PROM1: variants seen among roughly 807,000 people sequenced by gnomAD.
PROM1 encodes the protein prominin-1.
Under a neutral mutation model 116.9 loss-of-function variants are expected in PROM1, and 105 were observed. The ratio of observed to expected loss-of-function variants is 0.90; its 90% confidence interval spans 0.77 to 1.06. The LOEUF is 1.06. Among genes scored for constraint, PROM1 ranks in the 50% least tolerant of loss-of-function variants. The pLI is 0.00. For synonymous variants in PROM1, 393 were observed against 387.0 expected, an observed-to-expected ratio of 1.02 and a Z score of -0.18; for missense variants, 1,122 against 1,045.2, an observed-to-expected ratio of 1.07 and a Z score of -1.01.
chr4:15,991,427 G>T (rs960702458), intron 17 of PROM1, 134 bp from the exon 18 acceptor site: 7 of 567,748 alleles, frequency 1.2e-5, no homozygotes, highest in Non-Finnish European at 2.1e-5. Context: ...CTCTTAAACA[G>T]GTGGCAACAT....
chr4:15,973,878 A>C (rs1715337793), intron 26 of PROM1, among the ~76,000 whole-genome samples: 1 of 152,138 alleles, frequency 6.6e-6, no homozygotes, highest in African/African-American at 2.4e-5. Context: ...AAAGACAGAC[A>C]ACAAGGCGGT....
At chr4:15,989,701 C>G in intron 19 of PROM1, 31 bp downstream of exon 19, 1 of 1,533,490 alleles carries the variant, frequency 6.5e-7, no homozygotes, top group Non-Finnish European at 8.9e-7. Flanking sequence ...GCTCAGGTCA[C>G]AGTGAAATAC....
rs541774656 is a variant in PROM1 at position 15,977,813 on chromosome 4, T to A, written c.2582+1582A>T. 4.6e-5 allele frequency among the ~76,000 whole-genome samples: 7 copies of A among 152,344 alleles called. No homozygotes were observed. The South Asian group carries it at 8.3e-4, about 18-fold the overall frequency. ...CAAGGTTTCACCGTGTTAGCCAGGA[T>A]GGTCTTGATCTCCTGACCTCGTGAT... On this transcript the variant is annotated intron_variant, in intron 26 of 27. Coordinates refer to ENST00000447510, the MANE Select transcript of PROM1 (RefSeq NM_006017.3).
At chr4:15,991,178 C>T in intron 18 of PROM1, 44 bp downstream of exon 18, 4 of 1,507,566 alleles carry the variant, frequency 2.7e-6, no homozygotes, top group South Asian at 2.4e-5. Flanking sequence ...TGACATTTGA[C>T]ATCTACAACT....
chr4:15,988,843 G>T (rs950014580), intron 19 of PROM1, among the ~76,000 whole-genome samples: 1 of 152,176 alleles, frequency 6.6e-6, no homozygotes, highest in African/African-American at 2.4e-5. Flanking sequence ...TAATAAATTA[G>T]GAAATCGAGA....
chr4:16,004,320 G>A (rs1214189351), intron 13 of PROM1, among the ~76,000 whole-genome samples: 2 of 152,064 alleles, frequency 1.3e-5, no homozygotes, highest in African/African-American at 4.8e-5. Flanking sequence ...CATGCCACAG[G>A]TCTCCATGTC....
chr4:16,060,909 A>T (rs748664691), intron 2 of PROM1, among the ~76,000 whole-genome samples: 3 of 152,174 alleles, frequency 2.0e-5, no homozygotes, highest in African/African-American at 7.2e-5. Flanking sequence ...TTAATTTAAC[A>T]CTATGTCTTC....
At chr4:16,067,301 C>T (rs1741760968) in intron 2 of PROM1, among the ~76,000 whole-genome samples, 1 of 152,208 alleles carries the variant, frequency 6.6e-6, no homozygotes, top group Non-Finnish European at 1.5e-5. Flanking sequence ...TCACTTTCCT[C>T]ATCAGCGAAA....
At chr4:16,074,781 C>G (rs553116847) in intron 2 of PROM1, among the ~76,000 whole-genome samples, 10 of 152,322 alleles carry the variant, frequency 6.6e-5, no homozygotes, top group African/African-American at 2.4e-4. Flanking sequence ...CATCCTGTCT[C>G]TCTTCCTCCC....
At chr4:15,985,856 G>A in intron 21 of PROM1, 28 bp from the exon 22 acceptor site, 1 of 143,778 alleles carries the variant, frequency 7.0e-6, no homozygotes, top group Non-Finnish European at 1.3e-5. Flanking sequence ...ATGAGTAGAA[G>A]CATTAAAATG....
chr4:16,040,294 TA>T (rs1478691997), intron 2 of PROM1, among the ~76,000 whole-genome samples: 1 of 152,120 alleles, frequency 6.6e-6, no homozygotes, highest in African/African-American at 2.4e-5. Flanking sequence ...TTCAAACTGA[TA>T]TGTACCCAGG....
At chr4:15,976,661 T>C (rs909616120) in intron 26 of PROM1, among the ~76,000 whole-genome samples, 3 of 152,214 alleles carry the variant, frequency 2.0e-5, no homozygotes, top group African/African-American at 7.2e-5. Flanking sequence ...AGTACTGGTG[T>C]GCTGAGAGGA....
chr4:15,992,951 C>T (rs1721440768), intron 16 of PROM1, among the ~76,000 whole-genome samples: 1 of 152,204 alleles, frequency 6.6e-6, no homozygotes, highest in South Asian at 2.1e-4. Context: ...TCAGCAGTTT[C>T]CAGCAGCATG....
At chr4:16,070,688 A>AT (rs1742604786) in intron 2 of PROM1, among the ~76,000 whole-genome samples, 1 of 152,306 alleles carries the variant, frequency 6.6e-6, no homozygotes, top group South Asian at 2.1e-4. Context: ...AGATGTAGAT[A>AT]TTTTTGCAGA....
At chr4:16,014,012 C>CA (rs1727631375) in intron 10 of PROM1, among the ~76,000 whole-genome samples, 2 of 151,802 alleles carry the variant, frequency 1.3e-5, no homozygotes, top group African/African-American at 4.8e-5. Context: ...AAAACAAAAA[C>CA]AAAAAACAAC....
At chr4:15,999,363 C>T (rs762807900) in intron 14 of PROM1, among the ~76,000 whole-genome samples, 24 of 151,516 alleles carry the variant, frequency 1.6e-4, no homozygotes, top group Non-Finnish European at 2.4e-4. Flanking sequence ...TCCAGCTACT[C>T]GGGAGGCTGA....
At chr4:16,082,179 G>C (rs1225851195) in intron 1 of PROM1, 1 of 152,086 alleles carries the variant, frequency 6.6e-6, no homozygotes, top group East Asian at 1.9e-4. Flanking sequence ...CAACTCCACC[G>C]GGGCTCCTAG....
intron 2 of PROM1, among the ~76,000 whole-genome samples, chr4:16,045,085 C>A (rs1314582173): frequency 6.6e-6 from 1 of 152,158 alleles, no homozygotes; most frequent in Non-Finnish European, 1.5e-5. Flanking sequence ...CAACACTCCA[C>A]TCTTCCCTGC....
chr4:15,970,788 A>AT (rs1714336459), intron 27 of PROM1, among the ~76,000 whole-genome samples: 1 of 135,152 alleles, frequency 7.4e-6, no homozygotes, highest in South Asian at 2.6e-4. Context: ...TGTTTTTATT[A>AT]TTTTTATTTT....
Sources: gnomAD v4.1 joint callset for allele counts (sites outside exome capture counted in the v4.1 genomes callset) on GRCh38, gnomAD v4.1.1 for gene constraint, MANE v1.5 for transcripts, NCBI Gene and HGNC (gene_info 2026-07-23, HGNC 2026-07-21) for gene names.